The following DSCAM variants were observed in gnomAD, a reference collection of about 807,000 sequenced individuals.
DSCAM encodes DS cell adhesion molecule.
DSCAM carries 47 observed loss-of-function variants against 217.7 expected under a neutral mutation model. The ratio of observed to expected loss-of-function variants is 0.22; its 90% CI spans 0.17 to 0.28. DSCAM has a LOEUF of 0.28. DSCAM is among the 10% of genes least tolerant of loss of function. The probability of loss-of-function intolerance (pLI) is 1.00; values close to 1 mark genes in which losing one functional copy is unlikely to be tolerated. For synonymous variants in DSCAM, 1,056 were observed against 1,015.3 expected (o/e 1.04, Z -0.76); for missense variants, 2,080 against 2,618.3 (o/e 0.79, Z 4.49).
chr21:40,508,778 TATA>T (rs2076234553), intron 3 of DSCAM, among the ~76,000 whole-genome samples: 1 of 6,828 alleles, frequency 1.5e-4, no homozygotes, highest in Non-Finnish European at 2.6e-4. Context: ...TATATATATA[TATA>T]TATTTTTTTT....
intron 6 of DSCAM, among the ~76,000 whole-genome samples, chr21:40,341,355 T>C (rs906258169): frequency 6.6e-6 from 1 of 152,204 alleles, no homozygotes; most frequent in Admixed American, 6.5e-5. Flanking sequence ...TTGTAAAATG[T>C]GTTTAGCTGT....
chr21:40,536,748 T>A (rs574331709), intron 3 of DSCAM, among the ~76,000 whole-genome samples: 1 of 152,326 alleles, frequency 6.6e-6, no homozygotes, highest in East Asian at 1.9e-4. Context: ...TTTGGTCTTA[T>A]TAATTTTTGT....
intron 11 of DSCAM, among the ~76,000 whole-genome samples, chr21:40,210,968 G>A (rs1171561631): frequency 1.3e-5 from 2 of 152,126 alleles, no homozygotes; most frequent in Non-Finnish European, 2.9e-5. Context: ...ATCAAATGAG[G>A]AACTATTCCA....
At chr21:40,571,436 T>C (rs2076805877) in intron 3 of DSCAM, among the ~76,000 whole-genome samples, 2 of 152,162 alleles carry the variant, frequency 1.3e-5, no homozygotes, top group Non-Finnish European at 1.5e-5. Context: ...ACATCTAATA[T>C]GTATCAGTTT....
At chr21:40,052,567 T>C (rs1209981296) in intron 29 of DSCAM, among the ~76,000 whole-genome samples, 2 of 152,204 alleles carry the variant, frequency 1.3e-5, no homozygotes, top group Non-Finnish European at 2.9e-5. Flanking sequence ...TACAGTTCTC[T>C]CTACTGAGGT....
At chr21:40,508,591 TAG>T (rs1028149070) in intron 3 of DSCAM, among the ~76,000 whole-genome samples, 7 of 151,074 alleles carry the variant, frequency 4.6e-5, no homozygotes, top group Admixed American at 1.3e-4. Context: ...TATTTAAAGA[TAG>T]AGTCTTGCCC....
intron 8 of DSCAM, among the ~76,000 whole-genome samples, chr21:40,313,566 T>C (rs879794972): frequency 2.0e-5 from 3 of 152,238 alleles, no homozygotes; most frequent in Non-Finnish European, 4.4e-5. Flanking sequence ...TGTTACTTGT[T>C]AGTTATGAGC....
chr21:40,811,176 T>C (rs1325155114), intron 1 of DSCAM, among the ~76,000 whole-genome samples: 2 of 152,206 alleles, frequency 1.3e-5, no homozygotes, highest in Non-Finnish European at 2.9e-5. Flanking sequence ...GAGAGTCCAA[T>C]GTCATCACTT....
chr21:40,801,018 C>T (rs1265036959), intron 1 of DSCAM, among the ~76,000 whole-genome samples: 2 of 146,386 alleles, frequency 1.4e-5, no homozygotes, highest in Non-Finnish European at 3.0e-5. Context: ...GTGGCTTGAT[C>T]TTGGCTCACT....
intron 10 of DSCAM, among the ~76,000 whole-genome samples, chr21:40,278,220 C>T (rs2073714469): frequency 6.6e-6 from 1 of 152,068 alleles, no homozygotes; most frequent in African/African-American, 2.4e-5. Context: ...TTGAGAATAA[C>T]TAAATAAGAC....
chr21:40,078,918 G>T lies in DSCAM; in HGVS notation c.4480C>A (p.Leu1494Met), dbSNP rs746847056. ...FASINTTRVR[L>M]NLIGWNDGGC... ...CCATCATTCCAGCCAATGAGGTTCA[G>T]CCTCACGCGTGTGGTGTTGATGCTG... Residue 1494 changes from leucine (L) to methionine (M), a missense_variant, in exon 26 of 33, where the codon CTG becomes ATG. By Grantham distance (15) the Leu-to-Met change is conservative. Around this residue, in one of 5 missense-constraint regions of DSCAM, gnomAD observed 1,144 missense variants for 1,421.1 expected, o/e 0.81. Transcript: ENST00000400454. 2 of 1,614,242 alleles carry T rather than the reference G, an allele frequency of 1.2e-6. No individual in the cohort carries two copies. The highest frequency in any genetic ancestry group is 1.7e-6 in the Non-Finnish European group (2 of 1,180,026).
chr21:40,795,071 T>A (rs577162730), intron 1 of DSCAM, among the ~76,000 whole-genome samples: 1 of 151,692 alleles, frequency 6.6e-6, no homozygotes, highest in Non-Finnish European at 1.5e-5. Context: ...GTCTGCAAAT[T>A]ATTTGAACCC....
chr21:40,845,573 C>T (rs919636294), intron 1 of DSCAM, among the ~76,000 whole-genome samples: 3 of 150,574 alleles, frequency 2.0e-5, no homozygotes, highest in Admixed American at 1.3e-4. Flanking sequence ...CTCTCTCTGT[C>T]TCTGTGTCTG....
At chr21:40,267,960 C>T (rs1315465249) in intron 11 of DSCAM, among the ~76,000 whole-genome samples, 1 of 152,078 alleles carries the variant, frequency 6.6e-6, no homozygotes, top group East Asian at 1.9e-4. Flanking sequence ...TATATACAAA[C>T]ATAGGCATGC....
chr21:40,079,548 C>T (rs1319247507), intron 25 of DSCAM, among the ~76,000 whole-genome samples: 2 of 152,162 alleles, frequency 1.3e-5, no homozygotes, highest in Admixed American at 6.5e-5. Flanking sequence ...CCCCACCCCA[C>T]CTGGTAGGAC....
intron 3 of DSCAM, among the ~76,000 whole-genome samples, chr21:40,582,713 G>T (rs996145809): frequency 1.3e-5 from 2 of 151,598 alleles, no homozygotes; most frequent in African/African-American, 4.8e-5. Context: ...GAGAGCATCT[G>T]CGTTTTACTA....
intron 3 of DSCAM, among the ~76,000 whole-genome samples, chr21:40,662,783 G>A (rs540150735): frequency 6.6e-6 from 1 of 152,274 alleles, no homozygotes; most frequent in African/African-American, 2.4e-5. Context: ...ACCAGGAAGA[G>A]GGCCCTCACC....
chr21:40,234,024 T>C (rs1343497650), intron 11 of DSCAM, among the ~76,000 whole-genome samples: 1 of 152,180 alleles, frequency 6.6e-6, no homozygotes, highest in Non-Finnish European at 1.5e-5. Context: ...CTGCAGTCCT[T>C]CTTAACCAGA....
chr21:40,334,465 TGAATA>T (rs1369376427), intron 8 of DSCAM, among the ~76,000 whole-genome samples: 1 of 152,164 alleles, frequency 6.6e-6, no homozygotes, highest in East Asian at 1.9e-4. Context: ...GAAAACCGAC[TGAATA>T]GACCTTCGAA....
Sources: allele counts gnomAD v4.1 joint callset (sites outside exome capture counted in the v4.1 genomes callset), GRCh38; gene constraint gnomAD v4.1.1; regional missense constraint gnomAD v4.1.1; transcripts MANE v1.5; gene names NCBI Gene and HGNC (gene_info 2026-07-23, HGNC 2026-07-21).